The following CCNB3 variants were observed in gnomAD, a reference collection of about 807,000 sequenced individuals.
CCNB3 encodes cyclin B3, also known as G2/mitotic-specific cyclin-B3.
Under a neutral mutation model 68.0 loss-of-function variants are expected in CCNB3, and 12 were observed. That is an observed-to-expected ratio of 0.18 (90% CI 0.11 to 0.29). CCNB3 has a LOEUF of 0.29. Among genes scored for constraint, CCNB3 ranks in the 10% least tolerant of loss-of-function variants. The pLI is 1.00. For missense variants in CCNB3, 904 were observed against 993.1 expected (o/e 0.91, Z 1.21); for synonymous variants, 354 against 388.9 (o/e 0.91, Z 1.06).
In CCNB3 at chrX:50,306,998, T is replaced by A. The variant is rs1442585060; in HGVS notation, c.336-1507T>A. 7.2e-5 allele frequency among the ~76,000 whole-genome samples: 8 copies of A among 111,883 alleles called. 1 individual carries two copies. Among genetic ancestry groups the A allele is most frequent in the Admixed American group, 5.7e-4 (6 of 10,472 alleles). ...CATATAATGAGTTAGAAACTTCACATTTTTTGTGTTTCTTTGAAGAGTTAA... is the reference window on the plus strand; with the variant it reads ...CATATAATGAGTTAGAAACTTCACAATTTTTGTGTTTCTTTGAAGAGTTAA... On this transcript the variant is annotated intron_variant, in intron 5 of 12. Coordinates refer to ENST00000376042, the MANE Select transcript of CCNB3 (RefSeq NM_033031.3).
chrX:50,298,585 A>G (rs1936537629), intron 5 of CCNB3, among the ~76,000 whole-genome samples: 1 of 111,669 alleles, frequency 9.0e-6, no homozygotes, highest in Admixed American at 9.5e-5. Flanking sequence ...ATATTGGTCT[A>G]AAATTCTCTT....
chrX:50,222,731 T>A (rs1194507432), intron 1 of CCNB3, among the ~76,000 whole-genome samples: 1 of 110,871 alleles, frequency 9.0e-6, no homozygotes. Context: ...GCAAATCTGA[T>A]GATTATGTGT....
At chrX:50,225,684 G>C (rs1447724774) in intron 1 of CCNB3, among the ~76,000 whole-genome samples, 1 of 109,707 alleles carries the variant, frequency 9.1e-6, no homozygotes, top group Non-Finnish European at 1.9e-5. Context: ...AAAAAAGTTA[G>C]AATCATAGAC....
At chrX:50,329,573 G>A (rs1922484122) in intron 8 of CCNB3, among the ~76,000 whole-genome samples, 1 of 112,731 alleles carries the variant, frequency 8.9e-6, no homozygotes, top group Admixed American at 9.3e-5. Flanking sequence ...CATGGAAGCA[G>A]CCCCCCACTC....
intron 1 of CCNB3, among the ~76,000 whole-genome samples, chrX:50,227,221 A>AAT (rs1413048267): frequency 1.2e-5 from 1 of 81,959 alleles, no homozygotes; most frequent in East Asian, 3.5e-4. Flanking sequence ...ATATATACAG[A>AAT]ATATATATAT....
At chrX:50,291,539 T>C (rs1409416632) in intron 4 of CCNB3, among the ~76,000 whole-genome samples, 1 of 111,539 alleles carries the variant, frequency 9.0e-6, no homozygotes, top group Non-Finnish European at 1.9e-5. Flanking sequence ...GCTGCAATTA[T>C]AGGTGTGAGC....
chrX:50,316,902 A>G (rs1196641241), intron 8 of CCNB3, among the ~76,000 whole-genome samples: 1 of 112,494 alleles, frequency 8.9e-6, no homozygotes, highest in African/African-American at 3.2e-5. Context: ...AAAGAACTGT[A>G]CATTAATGTA....
chrX:50,281,037 C>A (rs1012399888), intron 1 of CCNB3, among the ~76,000 whole-genome samples: 2 of 110,750 alleles, frequency 1.8e-5, no homozygotes, highest in African/African-American at 6.6e-5. Flanking sequence ...GCTGGGAGTA[C>A]GGGAGTAGGC....
At chrX:50,314,017 A>AG (rs1921599146) in intron 8 of CCNB3, 69 bp downstream of exon 8, 1 of 801,551 alleles carries the variant, frequency 1.2e-6, no homozygotes, top group South Asian at 2.3e-5. Flanking sequence ...CAGGCCAAAA[A>AG]CATGGTAAAA....
At chrX:50,227,055 TAGAATATATATACAAATATAA>T (rs1254133575) in intron 1 of CCNB3, among the ~76,000 whole-genome samples, 157 of 78,348 alleles carry the variant, frequency 2.0e-3, no homozygotes, top group African/African-American at 7.6e-3. Flanking sequence ...TACAAATATA[TAGAATATATATACAAATATAA>T]AGAATATATA....
At chrX:50,304,409 T>G (rs1936714032) in intron 5 of CCNB3, among the ~76,000 whole-genome samples, 1 of 111,940 alleles carries the variant, frequency 8.9e-6, no homozygotes. Context: ...GGGAAATGAT[T>G]CCCTATTTAA....
intron 8 of CCNB3, among the ~76,000 whole-genome samples, chrX:50,316,531 G>T (rs1921733213): frequency 4.5e-5 from 5 of 111,633 alleles, no homozygotes; most frequent in Non-Finnish European, 9.4e-5. Context: ...CATATGTATT[G>T]ATTTGTGTAA....
Position 50,310,329 on chromosome X carries a change from A to T in CCNB3, c.2160A>T (p.Glu720Asp). 9 of 1,212,041 alleles carry T rather than the reference A, an allele frequency of 7.4e-6. No homozygotes were observed. The highest frequency in any genetic ancestry group is 1.0e-5 in the Non-Finnish European group (9 of 895,453). The stretch of plus-strand genomic sequence containing the variant: ...CTTTGCAGGAGAAAAGCACCATGGA[A>T]GAAGAGTCCCTTATCAATAAGCTAT... ...LLALQEKSTM[E>D]EESLINKLLA... Residue 720 changes from glutamate (E) to aspartate (D), a missense_variant, in exon 6 of 13, where the codon GAA becomes GAT. Glu to Asp is a conservative substitution (Grantham distance 45). Coordinates refer to ENST00000376042, the MANE Select transcript of CCNB3 (RefSeq NM_033031.3).
chrX:50,279,317 A>G (rs1936030436), intron 1 of CCNB3, among the ~76,000 whole-genome samples: 1 of 72,431 alleles, frequency 1.4e-5, no homozygotes, highest in African/African-American at 6.4e-5. Flanking sequence ...TATATTTAAT[A>G]TATATTTAAA....
At chrX:50,211,291 A>C (rs1357912690) in intron 1 of CCNB3, among the ~76,000 whole-genome samples, 2 of 111,060 alleles carry the variant, frequency 1.8e-5, no homozygotes, top group Non-Finnish European at 3.8e-5. Flanking sequence ...AAAACAAAAC[A>C]CAAAAACCTT....
At chrX:50,279,881 A>T (rs1180013227) in intron 1 of CCNB3, among the ~76,000 whole-genome samples, 9 of 87,511 alleles carry the variant, frequency 1.0e-4, no homozygotes, top group East Asian at 3.4e-4. Context: ...AAATATATAT[A>T]GTATATATAA....
intron 1 of CCNB3, among the ~76,000 whole-genome samples, chrX:50,218,484 A>AT (rs1935616522): frequency 9.0e-6 from 1 of 110,732 alleles, no homozygotes; most frequent in African/African-American, 3.3e-5. Context: ...CACTGTGTCC[A>AT]TGTGTTCTCA....
intron 5 of CCNB3, among the ~76,000 whole-genome samples, chrX:50,299,228 G>T (rs782368644): frequency 6.3e-4 from 70 of 111,111 alleles, no homozygotes; most frequent in African/African-American, 2.1e-3. Flanking sequence ...TGATGTTAGG[G>T]TGTCCATTTT....
chrX:50,307,473 T>C (rs1921135210), intron 5 of CCNB3, among the ~76,000 whole-genome samples: 1 of 111,343 alleles, frequency 9.0e-6, no homozygotes, highest in African/African-American at 3.3e-5. Flanking sequence ...CTAAAGATCT[T>C]CTCTAAAAGT....
Sources: gnomAD v4.1 joint callset for allele counts (sites outside exome capture counted in the v4.1 genomes callset) on GRCh38, gnomAD v4.1.1 for gene constraint, MANE v1.5 for transcripts, NCBI Gene and HGNC (gene_info 2026-07-23, HGNC 2026-07-21) for gene names.